PXN: variants seen among roughly 807,000 people sequenced by gnomAD.
The protein encoded by PXN is paxillin, also known as testicular tissue protein Li 134.
PXN carries 61 observed loss-of-function variants against 103.6 expected under a neutral mutation model. The observed-to-expected ratio is 0.59, with a 90% CI of 0.48 to 0.73. The LOEUF is 0.73. Among genes scored for constraint, PXN ranks in the 30% least tolerant of loss-of-function variants. The pLI is 0.00. For synonymous variants in PXN, 562 were observed against 607.8 expected, an observed-to-expected ratio of 0.92 and a Z score of 1.11; for missense variants, 1,274 against 1,460.3, an observed-to-expected ratio of 0.87 and a Z score of 2.08.
rs1367731288 is a variant in PXN, at chr12:120,253,460, G to A, written c.13+12157C>T. On this transcript the variant is annotated intron_variant, in intron 1 of 14. Transcript: ENST00000637617. ...TGCACTCTAGCCTGGGTGACAGAGC[G>A]AGACTCCATCTCAAAAAAGAAAAAA... 2.6e-5 allele frequency among the ~76,000 whole-genome samples: 4 copies of A among 152,194 alleles called. 1 individual carries two copies. In the South Asian group the frequency reaches 6.2e-4, roughly 24 times the overall value.
chr12:120,252,703 G>A (rs1892382338), intron 1 of PXN, among the ~76,000 whole-genome samples: 1 of 152,142 alleles, frequency 6.6e-6, no homozygotes. Context: ...ACCCAATGTA[G>A]GCAACAGAGA....
intron 1 of PXN, among the ~76,000 whole-genome samples, chr12:120,235,817 A>T (rs1197238512): frequency 6.6e-6 from 1 of 152,186 alleles, no homozygotes; most frequent in Non-Finnish European, 1.5e-5. Context: ...GACGCGCACA[A>T]GTGTTTTCCC....
rs374570265 is a variant in PXN at position 120,214,871 on chromosome 12, T to C, written c.2702A>G (p.Asn901Ser). ...GTAGTAGCAGCGCGGGGAGAAGAGG[T>C]TGTGGTAGTCCTTTTCACAGTAGGG... ...GQPYCEKDYH[N>S]LFSPRCYYCN... The change falls in exon 12 of 15, where the codon AAC becomes AGC. Residue 901 changes from asparagine (N) to serine (S), a missense_variant. Physicochemically the swap from Asn to Ser is conservative, Grantham distance 46 (BLOSUM62 1). Transcript: ENST00000637617. The surrounding 1 kb of genome is among the most constrained non-coding windows in gnomAD (Gnocchi z 5.0). 2.5e-6 allele frequency: 4 copies of C among 1,613,658 alleles called. 1 individual carries two copies. In the South Asian group the frequency reaches 3.3e-5, roughly 13 times the overall value.
At chr12:120,233,093 A>G (rs1888375136) in intron 1 of PXN, among the ~76,000 whole-genome samples, 1 of 152,138 alleles carries the variant, frequency 6.6e-6, no homozygotes, top group Non-Finnish European at 1.5e-5. Context: ...ATTCGAATCC[A>G]TGCTCAGTGC....
Position 120,251,197 on chromosome 12 carries a change from T to A in PXN, c.13+14420A>T, listed in dbSNP as rs1377396111. Among the ~76,000 whole-genome samples, 4 of 149,290 alleles carry A rather than the reference T, an allele frequency of 2.7e-5. No individual in the cohort carries two copies. In the East Asian group the frequency reaches 6.0e-4, roughly 22 times the overall value. On this transcript the variant is annotated intron_variant, in intron 1 of 14. Transcript: ENST00000637617. ...TCCAGCCTGGGCAACGGAACGAGAC[T>A]CTGTCTCAAAAAAAATCAATTAATT... is the stretch of plus-strand genomic sequence containing the variant.
At chr12:120,240,163 C>G (rs1159259086) in intron 1 of PXN, among the ~76,000 whole-genome samples, 2 of 152,218 alleles carry the variant, frequency 1.3e-5, no homozygotes, top group African/African-American at 4.8e-5. Flanking sequence ...AAGCCTCACT[C>G]AAGCCATTTA....
At position 120,211,112 on chromosome 12, in the gene PXN, G is replaced by C. The variant is rs1366059616; in HGVS notation, c.*1202C>G. 1 of 152,274 alleles carries C rather than the reference G, an allele frequency of 6.6e-6. No homozygotes were observed. Among genetic ancestry groups the C allele is most frequent in the Non-Finnish European group, 1.5e-5 (1 of 68,084 alleles). The allele number at this position is 152,274 out of a possible 1,614,324, so 9.4% of individuals were successfully genotyped here. ...AAGCAGTGGGGGCTCAGAAGGTTCAGTGGGTTCACAGGGGAGCAGAGGCTC... is the reference window on the plus strand; with the variant it reads ...AAGCAGTGGGGGCTCAGAAGGTTCACTGGGTTCACAGGGGAGCAGAGGCTC... On this transcript the variant is annotated 3_prime_UTR_variant, in exon 15 of 15. Transcript: ENST00000637617.
chr12:120,228,881 GC>G lies in PXN; in HGVS notation c.14-4505del, dbSNP rs564530854. ...AGCTGCAGCTTTGGGTCGGGAGGCC[GC>G]CCTGGGGCAGGTGGCTGGGCAGAAA... On this transcript the variant is annotated intron_variant, in intron 1 of 14. Transcript: ENST00000637617. This position sits in a 1 kb window ranked among gnomAD's most constrained non-coding sequence, Gnocchi z 4.7. Among the ~76,000 whole-genome samples the G allele has an allele frequency of 1.4e-3, 213 of 152,332 alleles. 2 individuals are homozygous for G. Among genetic ancestry groups the G allele is most frequent in the African/African-American group, 4.8e-3 (201 of 41,582 alleles).
At chr12:120,252,980 C>T (rs1281779150) in intron 1 of PXN, among the ~76,000 whole-genome samples, 4 of 136,490 alleles carry the variant, frequency 2.9e-5, no homozygotes, top group Non-Finnish European at 4.6e-5. Context: ...GCCTGGGTGA[C>T]GCAGTGAGAC....
At position 120,221,697 on chromosome 12, in the gene PXN, G is replaced by C. The variant is rs1307871004; in HGVS notation, c.757C>G (p.Gln253Glu). ...GAGGAGGCCGAGATGCGTGTCTGCT[G>C]TTGGGTGGAGGTGACGCGCTGCGGG... is the stretch of plus-strand genomic sequence containing the variant. ...SSPQRVTSTQ[Q>E]QTRISASSAT... is the part of the protein sequence containing the mutation. The change falls in exon 6 of 15, where the codon CAG (glutamine) becomes GAG (glutamate). Residue 253 changes from glutamine to glutamate, a missense_variant. Coordinates refer to ENST00000637617, the MANE Select transcript of PXN (RefSeq NM_001385981.1). The surrounding 1 kb of genome is among the most constrained non-coding windows in gnomAD (Gnocchi z 6.6). 2.5e-6 allele frequency: 4 copies of C among 1,570,620 alleles called. No homozygotes were observed. Among genetic ancestry groups the C allele is most frequent in the Middle Eastern group, 1.7e-4 (1 of 6,010 alleles).
rs748940204 is a variant in PXN, at chr12:120,219,318, T to C, written c.1605A>G (p.Pro535=). 4 of 1,598,436 alleles carry C rather than the reference T, an allele frequency of 2.5e-6. No individual in the cohort carries two copies. Among genetic ancestry groups the C allele is most frequent in the South Asian group, 1.1e-5 (1 of 91,078 alleles). ...GGGTGGCAGCTTCCGTGGTGCCCTC[T>C]GGGCTCCTTGGGGTTTCAGGTCCCT... ...PTQGPETPRS[P]EGTTEAATQD... The change falls in exon 7 of 15, where the codon CCA becomes CCG. Residue 535 remains proline (P), a synonymous_variant. Transcript: ENST00000637617. The surrounding 1 kb of genome is among the most constrained non-coding windows in gnomAD (Gnocchi z 6.5).
Position 120,265,021 on chromosome 12 carries a change from A to C in PXN, c.13+596T>G, listed in dbSNP as rs936930180. Among the ~76,000 whole-genome samples the C allele has an allele frequency of 6.6e-5, 10 of 151,888 alleles. No homozygotes were observed. Among genetic ancestry groups the C allele is most frequent in the African/African-American group, 2.4e-4 (10 of 41,310 alleles). On this transcript the variant is annotated intron_variant, in intron 1 of 14. Transcript: ENST00000637617. The surrounding 1 kb of genome is among the most constrained non-coding windows in gnomAD (Gnocchi z 5.7). ...TTTGAAATGGGGGTGTGGTCATCAC[A>C]CGCTCATCTCTAGCTTTTGCATCTG... is the stretch of plus-strand genomic sequence containing the variant.
At chr12:120,250,829 A>C (rs1361175557) in intron 1 of PXN, among the ~76,000 whole-genome samples, 2 of 150,042 alleles carry the variant, frequency 1.3e-5, no homozygotes, top group African/African-American at 2.5e-5. Context: ...CTAGCTAAGC[A>C]ACCAAACAGG....
At chr12:120,226,608 T>G in intron 1 of PXN, 1 of 1,189,776 alleles carries the variant, frequency 8.4e-7, no homozygotes, top group Non-Finnish European at 1.1e-6. Context: ...GTTTATGGAT[T>G]GGATTCAGGT....
intron 1 of PXN, among the ~76,000 whole-genome samples, chr12:120,261,398 C>T (rs892007688): frequency 1.3e-5 from 2 of 152,076 alleles, no homozygotes; most frequent in Non-Finnish European, 2.9e-5. Context: ...ACCACATTGG[C>T]CAGGCTGGTC....
chr12:120,226,484 A>AC (rs1594423965), intron 1 of PXN: 1 of 1,275,774 alleles, frequency 7.8e-7, no homozygotes, highest in African/African-American at 1.5e-5. Context: ...GGTCTCTTGG[A>AC]CTCCAAACAC....
chr12:120,260,833 G>A (rs2701642), intron 1 of PXN, among the ~76,000 whole-genome samples: 3,366 of 152,212 alleles, frequency 0.022, 152 homozygotes, highest in African/African-American at 0.077. Context: ...GGGGCGTTAC[G>A]GCATATGCCT....
chr12:120,238,155 T>C (rs1889455179), intron 1 of PXN, among the ~76,000 whole-genome samples: 1 of 151,994 alleles, frequency 6.6e-6, no homozygotes, highest in Non-Finnish European at 1.5e-5. Flanking sequence ...GGAGAGAAGA[T>C]ATTTTCCTGA....
chr12:120,216,766 C>A lies in PXN; in HGVS notation c.1992+75G>T, dbSNP rs772633345. ...CCCCAGATCTCCCCTCCGGCCAGCACTGGGGCCAGGGAAGAACCCGGACCC... is the reference window on the plus strand; with the variant it reads ...CCCCAGATCTCCCCTCCGGCCAGCAATGGGGCCAGGGAAGAACCCGGACCC... On this transcript the variant is annotated intron_variant, in intron 8 of 14. Coordinates refer to ENST00000637617, the MANE Select transcript of PXN (RefSeq NM_001385981.1). This position sits in a 1 kb window ranked among gnomAD's most constrained non-coding sequence, Gnocchi z 5.1. 5.1e-5 allele frequency: 82 copies of A among 1,593,180 alleles called. No homozygotes were observed. The highest frequency in any genetic ancestry group is 1.7e-5 in the Admixed American group (1 of 58,256).
Sources: allele counts gnomAD v4.1 joint callset (sites outside exome capture counted in the v4.1 genomes callset), GRCh38; gene constraint gnomAD v4.1.1; non-coding constraint Gnocchi (gnomAD v3.1); transcripts MANE v1.5; gene names NCBI Gene and HGNC (gene_info 2026-07-23, HGNC 2026-07-21).